Variants in UBXN2A observed in about 807,000 individuals in gnomAD.
UBXN2A encodes UBX domain-containing protein 2A.
Under a neutral mutation model 28.4 loss-of-function variants are expected in UBXN2A, and 28 were observed. The observed-to-expected ratio is 0.99, with a 90% confidence interval of 0.73 to 1.35. The LOEUF (loss-of-function observed/expected upper bound fraction) is 1.35. Among genes scored for constraint, UBXN2A ranks in the 40% most tolerant of loss-of-function variants. The pLI is 0.00. For missense variants in UBXN2A, 253 were observed against 297.9 expected (o/e 0.85, Z 1.11); for synonymous variants, 97 against 103.6 (o/e 0.94, Z 0.39).
chr2:23,933,620 G>A (rs1466063294), intron 1 of UBXN2A, among the ~76,000 whole-genome samples: 3 of 152,098 alleles, frequency 2.0e-5, no homozygotes, highest in African/African-American at 7.2e-5. Flanking sequence ...TACTCAGGGG[G>A]CTGAGGCAGG....
In UBXN2A at chr2:23,982,971, A is replaced by G. The variant is rs375892234; in HGVS notation, c.363A>G (p.Glu121=). ...VDVKVEDKKN[E]ICLSTKPVFQ... is the part of the protein sequence containing the mutation. ...TTAAAGTTGAAGACAAGAAAAATGA[A>G]ATATGTTTGTCTACGAAGCCTGTGT... The change falls in exon 5 of 7, where the codon GAA becomes GAG. Residue 121 remains glutamate, a synonymous_variant. Coordinates refer to ENST00000309033, the MANE Select transcript of UBXN2A (RefSeq NM_181713.4). 2 of 1,612,196 alleles carry G rather than the reference A, an allele frequency of 1.2e-6. No homozygotes were observed. Among genetic ancestry groups the G allele is most frequent in the Non-Finnish European group, 8.5e-7 (1 of 1,178,954 alleles).
At chr2:23,950,647 G>T (rs1005806368) in intron 1 of UBXN2A, among the ~76,000 whole-genome samples, 7 of 151,018 alleles carry the variant, frequency 4.6e-5, no homozygotes, top group Admixed American at 2.0e-4. Flanking sequence ...CAAGTGATCC[G>T]CCCACCTCGG....
chr2:23,990,397 T>C (rs564422110), intron 6 of UBXN2A, among the ~76,000 whole-genome samples: 154 of 151,932 alleles, frequency 1.0e-3, no homozygotes, highest in African/African-American at 3.5e-3. Context: ...AGCTGACTGA[T>C]TCAGCCATGT....
intron 6 of UBXN2A, among the ~76,000 whole-genome samples, chr2:23,998,201 G>T (rs1002869013): frequency 4.1e-4 from 62 of 151,886 alleles, no homozygotes; most frequent in African/African-American, 1.4e-3. Flanking sequence ...CTAGTTTTTG[G>T]TTGTCATCAT....
intron 1 of UBXN2A, among the ~76,000 whole-genome samples, chr2:23,928,636 AGTTTATTAAACT>A (rs1705246918): frequency 6.6e-6 from 1 of 152,204 alleles, no homozygotes. Flanking sequence ...ATTGGGCAGG[AGTTTATTAAACT>A]GTTTATTAAA....
At chr2:23,967,718 A>G (rs1707233968) in intron 2 of UBXN2A, among the ~76,000 whole-genome samples, 1 of 152,172 alleles carries the variant, frequency 6.6e-6, no homozygotes, top group Non-Finnish European at 1.5e-5. Flanking sequence ...GAAGGGGAAA[A>G]TCACTAGTGT....
intron 2 of UBXN2A, among the ~76,000 whole-genome samples, chr2:23,964,180 A>G (rs1320185928): frequency 2.0e-5 from 3 of 151,784 alleles, no homozygotes; most frequent in East Asian, 3.9e-4. Context: ...GGTAAAGAAT[A>G]TATAATACAT....
intron 2 of UBXN2A, among the ~76,000 whole-genome samples, chr2:23,959,134 ATTAT>A (rs1176706446): frequency 6.6e-6 from 1 of 152,130 alleles, no homozygotes; most frequent in Non-Finnish European, 1.5e-5. Context: ...TGCTTGGCCT[ATTAT>A]TTATTTTTTA....
In UBXN2A at chr2:23,950,366, T is replaced by C. The variant is rs143298900; in HGVS notation, c.-14-7935T>C. On this transcript the variant is annotated intron_variant, in intron 1 of 6. Transcript: ENST00000309033. ...CTTTTGAGATAATGAAGACCAGATC[T>C]AAACTATGGAAATATTTTATTTTAT... 2.2e-4 allele frequency among the ~76,000 whole-genome samples: 33 copies of C among 152,260 alleles called. No homozygotes were observed. The East Asian group carries it at 6.4e-3, about 29-fold the overall frequency.
At chr2:23,991,949 G>A (rs1048691388) in intron 6 of UBXN2A, among the ~76,000 whole-genome samples, 10 of 151,784 alleles carry the variant, frequency 6.6e-5, no homozygotes, top group African/African-American at 2.2e-4. Context: ...CTGCCACCAC[G>A]CCTGGCTAAT....
At chr2:23,928,591 A>T (rs1429289486) in intron 1 of UBXN2A, among the ~76,000 whole-genome samples, 1 of 151,956 alleles carries the variant, frequency 6.6e-6, no homozygotes, top group East Asian at 1.9e-4. Context: ...AAAAAAAAAT[A>T]AAATTCACAG....
upstream of UBXN2A, among the ~76,000 whole-genome samples, chr2:23,938,882 C>G (rs916672514): frequency 6.6e-5 from 10 of 152,098 alleles, no homozygotes; most frequent in African/African-American, 2.2e-4. Flanking sequence ...CGGAAGAGCT[C>G]TCACAGAATG....
intron 1 of UBXN2A, among the ~76,000 whole-genome samples, chr2:23,942,533 C>T (rs1451238853): frequency 6.7e-6 from 1 of 150,096 alleles, no homozygotes; most frequent in East Asian, 2.0e-4. Flanking sequence ...GATTCTCCTG[C>T]CTCAGCCTCC....
At chr2:23,989,306 C>CTT (rs78978613) in intron 6 of UBXN2A, among the ~76,000 whole-genome samples, 3,609 of 137,058 alleles carry the variant, frequency 0.026, 153 homozygotes, top group African/African-American at 0.09. Context: ...GTATTTATTC[C>CTT]TTTTTTTTTT....
rs551664539 is a variant in UBXN2A, at chr2:23,949,245, A to AG, written c.-15+8598dup. On this transcript the variant is annotated intron_variant, in intron 1 of 6. Coordinates refer to ENST00000309033, the MANE Select transcript of UBXN2A (RefSeq NM_181713.4). Reference sequence around the variant, plus strand: ...CCAAAGTGCCGGGATTACAGGCATGAGCCACCACACCCAACCCTCTTGTAG... The same window carrying AG: ...CCAAAGTGCCGGGATTACAGGCATGAGGCCACCACACCCAACCCTCTTGTAG... 3.5e-3 allele frequency among the ~76,000 whole-genome samples: 525 copies of AG among 150,640 alleles called. 4 individuals carry two copies. The highest frequency in any genetic ancestry group is 0.012 in the African/African-American group (510 of 41,008).
At chr2:23,954,280 G>A (rs941809294) in intron 1 of UBXN2A, among the ~76,000 whole-genome samples, 2 of 152,056 alleles carry the variant, frequency 1.3e-5, no homozygotes, top group Admixed American at 6.6e-5. Flanking sequence ...TTGTCCTTTT[G>A]TATCTGACTT....
At chr2:23,943,488 T>A (rs1374796136) in intron 1 of UBXN2A, among the ~76,000 whole-genome samples, 1 of 152,124 alleles carries the variant, frequency 6.6e-6, no homozygotes, top group Non-Finnish European at 1.5e-5. Flanking sequence ...TGTATGTATG[T>A]ATGTTTTTAT....
At chr2:23,966,740 C>T (rs1242964064) in intron 2 of UBXN2A, among the ~76,000 whole-genome samples, 14 of 145,662 alleles carry the variant, frequency 9.6e-5, no homozygotes, top group African/African-American at 2.0e-4. Flanking sequence ...CGTGAGCCAC[C>T]GCGCCCGGCC....
At chr2:23,998,551 T>C (rs1708626402) in intron 6 of UBXN2A, among the ~76,000 whole-genome samples, 1 of 152,016 alleles carries the variant, frequency 6.6e-6, no homozygotes, top group Admixed American at 6.6e-5. Context: ...AAACCCCATC[T>C]CTACTAAGAA....
Sources: allele counts gnomAD v4.1 joint callset (sites outside exome capture counted in the v4.1 genomes callset), GRCh38; gene constraint gnomAD v4.1.1; transcripts MANE v1.5; gene names NCBI Gene and HGNC (gene_info 2026-07-23, HGNC 2026-07-21).